CSMD1: variants seen among roughly 807,000 people sequenced by gnomAD.
CSMD1 encodes CUB and Sushi multiple domains 1.
A neutral mutation model predicts 417.5 loss-of-function variants in CSMD1; 213 were observed. The observed-to-expected ratio is 0.51, with a 90% CI of 0.46 to 0.57. CSMD1 has a LOEUF of 0.57. Ranked by LOEUF, CSMD1 falls within the 20% of genes least tolerant of loss-of-function variation. The pLI, the probability that CSMD1 is intolerant of heterozygous loss-of-function variation, is 0.00. For synonymous variants in CSMD1, 2,862 were observed against 1,736.8 expected (o/e 1.65, Z -16.11); for missense variants, 6,923 against 4,529.7 (o/e 1.53, Z -15.17).
chr8:4,295,043 A>G (rs910614878), intron 3 of CSMD1, among the ~76,000 whole-genome samples: 1 of 147,940 alleles, frequency 6.8e-6, no homozygotes, highest in Non-Finnish European at 1.5e-5. Flanking sequence ...ATATATGTAT[A>G]TATTATACAC....
chr8:3,556,837 T>C lies in CSMD1; in HGVS notation c.1344+18108A>G, dbSNP rs78782200. Among the ~76,000 whole-genome samples, 42 of 151,734 alleles carry C rather than the reference T, an allele frequency of 2.8e-4. No homozygotes were observed. The East Asian group carries it at 5.0e-3, about 18-fold the overall frequency. On this transcript the variant is annotated intron_variant, in intron 10 of 69. Coordinates refer to ENST00000635120, the MANE Select transcript of CSMD1 (RefSeq NM_033225.6). The stretch of plus-strand genomic sequence containing the variant: ...GGATGCCCCTCTCCCTTCACTGCCA[T>C]AGGGCTTACCCCCTCTGGACAGATC...
intron 10 of CSMD1, among the ~76,000 whole-genome samples, chr8:3,540,511 C>G (rs544445145): frequency 6.6e-6 from 1 of 152,238 alleles, no homozygotes; most frequent in East Asian, 1.9e-4. Context: ...GCAATTACAA[C>G]AAAAGTAAAA....
intron 4 of CSMD1, among the ~76,000 whole-genome samples, chr8:4,026,886 A>G (rs1391402099): frequency 6.6e-6 from 1 of 152,184 alleles, no homozygotes; most frequent in African/African-American, 2.4e-5. Context: ...GGCAAGGTGT[A>G]GTATGCTGCT....
At chr8:2,981,298 TC>T (rs1241090889) in intron 54 of CSMD1, among the ~76,000 whole-genome samples, 1 of 152,334 alleles carries the variant, frequency 6.6e-6, no homozygotes, top group African/African-American at 2.4e-5. Flanking sequence ...TGTGAACAAT[TC>T]CTATCCAGGG....
chr8:4,226,343 A>T (rs539536717), intron 3 of CSMD1, among the ~76,000 whole-genome samples: 21 of 152,328 alleles, frequency 1.4e-4, no homozygotes, highest in Non-Finnish European at 2.2e-4. Flanking sequence ...TCTACTTAAA[A>T]ATGTATTTAT....
intron 39 of CSMD1, among the ~76,000 whole-genome samples, chr8:3,156,734 G>T (rs907536855): frequency 1.3e-5 from 2 of 152,152 alleles, no homozygotes; most frequent in African/African-American, 4.8e-5. Flanking sequence ...GACAAGATCA[G>T]TACTGCCGAT....
At chr8:2,990,388 C>T (rs1045868079) in intron 54 of CSMD1, among the ~76,000 whole-genome samples, 4 of 152,182 alleles carry the variant, frequency 2.6e-5, no homozygotes, top group Non-Finnish European at 5.9e-5. Flanking sequence ...CCTCCTGGTG[C>T]TAGAGACAGT....
intron 12 of CSMD1, among the ~76,000 whole-genome samples, chr8:3,454,352 A>T (rs1359630919): frequency 6.6e-6 from 1 of 152,174 alleles, no homozygotes; most frequent in Non-Finnish European, 1.5e-5. Flanking sequence ...TGATTCAGTT[A>T]TTATGATGTT....
chr8:4,257,899 C>T (rs1454067233), intron 3 of CSMD1, among the ~76,000 whole-genome samples: 1 of 152,156 alleles, frequency 6.6e-6, no homozygotes, highest in Non-Finnish European at 1.5e-5. Context: ...TGTGACCAGG[C>T]TAACAACAAC....
intron 5 of CSMD1, among the ~76,000 whole-genome samples, chr8:3,867,973 G>A (rs4626624): frequency 0.45 from 68,653 of 151,880 alleles, 18,368 homozygotes; most frequent in African/African-American, 0.76. Flanking sequence ...TTATGTCACT[G>A]TGGGAGACCC....
intron 3 of CSMD1, among the ~76,000 whole-genome samples, chr8:4,151,309 T>C (rs1180152621): frequency 2.0e-5 from 3 of 152,180 alleles, no homozygotes; most frequent in Non-Finnish European, 4.4e-5. Flanking sequence ...TTGTTATAGA[T>C]CCTAAGATCA....
chr8:4,023,780 TTTTTGTG>T lies in CSMD1; in HGVS notation c.610+8118_610+8124del, dbSNP rs1480422354. 1.2e-3 allele frequency among the ~76,000 whole-genome samples: 136 copies of T among 114,916 alleles called. 1 individual carries two copies. Among genetic ancestry groups the T allele is most frequent in the African/African-American group, 4.0e-3 (125 of 31,258 alleles). The allele number at this position is 114,916 out of a possible 152,430, so 75.4% of individuals were successfully genotyped here. The stretch of plus-strand genomic sequence containing the variant: ...TTTTTTTTTTTTTTTTTTTTTTTTT[TTTTTGTG>T]TGTGTATTTTTAGTAGAGACGGGGT... On this transcript the variant is annotated intron_variant, in intron 4 of 69. Coordinates refer to ENST00000635120, the MANE Select transcript of CSMD1 (RefSeq NM_033225.6).
chr8:3,482,630 C>G (rs900819211), intron 11 of CSMD1, among the ~76,000 whole-genome samples: 5 of 152,156 alleles, frequency 3.3e-5, no homozygotes, highest in Non-Finnish European at 5.9e-5. Flanking sequence ...ATTCAATCAA[C>G]CAACAGGATC....
intron 7 of CSMD1, among the ~76,000 whole-genome samples, chr8:3,683,301 G>A (rs186326224): frequency 7.2e-5 from 11 of 152,178 alleles, no homozygotes; most frequent in Admixed American, 3.3e-4. Flanking sequence ...AATATGGATG[G>A]ATCAGTCAAG....
chr8:2,982,464 T>C (rs1038686756), intron 54 of CSMD1, among the ~76,000 whole-genome samples: 2 of 152,230 alleles, frequency 1.3e-5, no homozygotes, highest in Non-Finnish European at 2.9e-5. Flanking sequence ...TATCCAGTAA[T>C]GTCCCCATTC....
chr8:4,670,465 G>A (rs927034360), intron 1 of CSMD1, among the ~76,000 whole-genome samples: 6 of 152,152 alleles, frequency 3.9e-5, no homozygotes, highest in Admixed American at 1.3e-4. Context: ...AGCTAGATAC[G>A]TGGTGGTCTT....
intron 8 of CSMD1, among the ~76,000 whole-genome samples, chr8:3,613,949 C>G (rs930014524): frequency 6.6e-6 from 1 of 151,734 alleles, no homozygotes; most frequent in African/African-American, 2.4e-5. Context: ...TAAAAAAAAT[C>G]CGATTGGAAA....
intron 3 of CSMD1, among the ~76,000 whole-genome samples, chr8:4,200,494 T>G (rs548315121): frequency 6.6e-6 from 1 of 152,294 alleles, no homozygotes; most frequent in South Asian, 2.1e-4. Flanking sequence ...AGATAATCAC[T>G]TAGGTAAAAA....
intron 10 of CSMD1, among the ~76,000 whole-genome samples, chr8:3,523,881 A>G (rs761032485): frequency 2.0e-4 from 30 of 150,868 alleles, no homozygotes; most frequent in Non-Finnish European, 3.5e-4. Context: ...ACATGCACAC[A>G]CATGCACAGA....
Sources: gnomAD v4.1 joint callset for allele counts (sites outside exome capture counted in the v4.1 genomes callset) on GRCh38, gnomAD v4.1.1 for gene constraint, MANE v1.5 for transcripts, NCBI Gene and HGNC (gene_info 2026-07-23, HGNC 2026-07-21) for gene names.